Variants in POLB observed in about 807,000 individuals in gnomAD.
POLB encodes the protein DNA polymerase beta, also known as 5'-dRP lyase.
A neutral mutation model predicts 52.7 loss-of-function variants in POLB; 37 were observed. The ratio of observed to expected loss-of-function variants is 0.70; its 90% CI spans 0.54 to 0.92. The LOEUF is 0.92. Ranked by LOEUF, POLB falls within the 40% of genes least tolerant of loss-of-function variation. POLB has a pLI of 0.00. For synonymous variants in POLB, 138 were observed against 131.3 expected (o/e 1.05, Z -0.35); for missense variants, 313 against 400.8 (o/e 0.78, Z 1.87).
At chr8:42,338,755 C>A in intron 1 of POLB, 70 bp downstream of exon 1, 1 of 1,445,254 alleles carries the variant, frequency 6.9e-7, no homozygotes, top group South Asian at 1.1e-5. Context: ...TTCCTTCTCT[C>A]CCACACCGAC....
At chr8:42,368,700 A>T (rs1189234815) in intron 11 of POLB, among the ~76,000 whole-genome samples, 1 of 152,044 alleles carries the variant, frequency 6.6e-6, no homozygotes, top group African/African-American at 2.4e-5. Flanking sequence ...CTGATCTCAT[A>T]TTTTTCTTAT....
intron 9 of POLB, among the ~76,000 whole-genome samples, chr8:42,360,440 T>C (rs1248893680): frequency 6.6e-6 from 1 of 152,168 alleles, no homozygotes; most frequent in African/African-American, 2.4e-5. Flanking sequence ...GATTCTTTTA[T>C]GCTGTATACC....
intron 9 of POLB, among the ~76,000 whole-genome samples, chr8:42,360,563 T>A (rs1390971816): frequency 6.6e-6 from 1 of 151,776 alleles, no homozygotes; most frequent in African/African-American, 2.4e-5. Context: ...GAATGAAGAG[T>A]CCTCACTTGC....
chr8:42,371,153 C>T (rs1824360992), intron 13 of POLB, among the ~76,000 whole-genome samples: 2 of 152,008 alleles, frequency 1.3e-5, no homozygotes, highest in African/African-American at 4.8e-5. Flanking sequence ...AATGGAGTTT[C>T]GCTCTTGTTG....
rs1333637032 is a variant in POLB, at chr8:42,371,549, C to G, written c.914-14C>G. On this transcript the variant is annotated splice_polypyrimidine_tract_variant and intron_variant, in intron 13 of 13. Transcript: ENST00000265421. ...ACTGGTTCTTACAATAAGTTTTTCT[C>G]TCTGTACTTGCAGGAGTTGCAGGAG... The G allele has an allele frequency of 2.0e-6, 3 of 1,519,734 alleles. No homozygotes were observed. The highest frequency in any genetic ancestry group is 1.1e-5 in the South Asian group (1 of 88,860). The allele number at this position is 1,519,734 out of a possible 1,614,324, so 94.1% of individuals were successfully genotyped here.
chr8:42,346,288 G>A (rs761804740), intron 3 of POLB, among the ~76,000 whole-genome samples: 4 of 151,608 alleles, frequency 2.6e-5, no homozygotes, highest in Non-Finnish European at 5.9e-5. Flanking sequence ...ACCTATTAAT[G>A]TTTCACAAAT....
intron 13 of POLB, among the ~76,000 whole-genome samples, 165 bp from the exon 14 acceptor site, chr8:42,371,398 C>T (rs1824381699): frequency 1.3e-5 from 2 of 152,240 alleles, no homozygotes; most frequent in South Asian, 2.1e-4. Flanking sequence ...GCTGGGATTA[C>T]AGGCGTGAGC....
chr8:42,348,815 AGTTTCCCTTTTGTCATTC>A (rs1822790013), intron 3 of POLB, among the ~76,000 whole-genome samples, 183 bp from the exon 4 acceptor site: 2 of 152,314 alleles, frequency 1.3e-5, no homozygotes, highest in South Asian at 4.1e-4. Flanking sequence ...ATTTTCTCAG[AGTTTCCCTTTTGTCATTC>A]ATGTAAGCAT....
At chr8:42,348,755 A>G (rs1417083871) in intron 3 of POLB, among the ~76,000 whole-genome samples, 1 of 152,210 alleles carries the variant, frequency 6.6e-6, no homozygotes, top group Non-Finnish European at 1.5e-5. Flanking sequence ...TTATACAATG[A>G]TATACTGTGT....
At chr8:42,359,970 C>T (rs1437120092) in intron 9 of POLB, among the ~76,000 whole-genome samples, 3 of 150,594 alleles carry the variant, frequency 2.0e-5, no homozygotes, top group Non-Finnish European at 4.4e-5. Flanking sequence ...TTTTTTGAGG[C>T]AGAGTCTCGC....
At chr8:42,357,553 T>C in intron 9 of POLB, 161 bp downstream of exon 9, 1 of 501,978 alleles carries the variant, frequency 2.0e-6, no homozygotes, top group East Asian at 3.2e-5. Context: ...TGGGAATATG[T>C]AACTAGGGGA....
intron 7 of POLB, 35 bp downstream of exon 7, chr8:42,355,602 A>G (rs962138472): frequency 7.4e-7 from 1 of 1,352,066 alleles, no homozygotes; most frequent in South Asian, 1.2e-5. Flanking sequence ...CACTTGAGAT[A>G]TAAAAGTAAA....
intron 7 of POLB, among the ~76,000 whole-genome samples, chr8:42,356,708 T>A (rs1387043130): frequency 6.6e-6 from 1 of 152,138 alleles, no homozygotes; most frequent in Non-Finnish European, 1.5e-5. Flanking sequence ...CAGTATGTGG[T>A]CTTTTGTGAC....
At chr8:42,371,226 C>T (rs542920321) in intron 13 of POLB, among the ~76,000 whole-genome samples, 2 of 152,246 alleles carry the variant, frequency 1.3e-5, no homozygotes, top group Admixed American at 1.3e-4. Context: ...CAGGTTCAAG[C>T]GATTCTCCTG....
intron 9 of POLB, among the ~76,000 whole-genome samples, chr8:42,358,225 A>G (rs1050458076): frequency 2.6e-5 from 4 of 152,002 alleles, no homozygotes; most frequent in Non-Finnish European, 5.9e-5. Context: ...ACTTTTGGCC[A>G]GGCGCGGTGG....
In POLB at chr8:42,357,395, A is replaced by G; in HGVS notation, c.550+3A>G. On this transcript the variant is annotated splice_donor_region_variant and intron_variant, in intron 9 of 13. Coordinates refer to ENST00000265421, the MANE Select transcript of POLB (RefSeq NM_002690.3). ...AGTCTGTGGCAGTTTCAGAAGAGGT[A>G]ACATACTTCCTAATCTTGGGTTATT... 6.7e-7 allele frequency: 1 copy of G among 1,499,082 alleles called. No homozygotes were observed. The highest frequency in any genetic ancestry group is 9.3e-7 in the Non-Finnish European group (1 of 1,079,094). 92.9% of individuals were successfully genotyped at this position (1,499,082 alleles called of 1,614,324 possible).
intron 11 of POLB, among the ~76,000 whole-genome samples, chr8:42,368,410 T>C (rs948397595): frequency 6.6e-6 from 1 of 152,256 alleles, no homozygotes; most frequent in African/African-American, 2.4e-5. Context: ...AGTGAAAAAG[T>C]ATGGCTTTTA....
intron 3 of POLB, among the ~76,000 whole-genome samples, chr8:42,347,217 A>G (rs1822675253): frequency 6.6e-6 from 1 of 151,898 alleles, no homozygotes. Context: ...CAATTATTGA[A>G]GAATCACAGA....
In POLB at chr8:42,369,344, C is replaced by T; in HGVS notation, c.773+9C>T. The T allele has an allele frequency of 6.5e-7, 1 of 1,527,472 alleles. No homozygotes were observed. Among genetic ancestry groups the T allele is most frequent in the Non-Finnish European group, 9.0e-7 (1 of 1,105,956 alleles). 94.6% of individuals were successfully genotyped at this position (1,527,472 alleles called of 1,614,324 possible). A position where few individuals can be genotyped will look rare whatever the true frequency, so the allele number is the denominator to read the frequency against. On this transcript the variant is annotated intron_variant, in intron 12 of 13. Transcript: ENST00000265421. ...AGAAGAATTGATATCAGGTATTGTT[C>T]AGACTTTGTTGCTGACCTGTTAACT...
Sources: allele counts gnomAD v4.1 joint callset (sites outside exome capture counted in the v4.1 genomes callset), GRCh38; gene constraint gnomAD v4.1.1; transcripts MANE v1.5; gene names NCBI Gene and HGNC (gene_info 2026-07-23, HGNC 2026-07-21).